Variants in RBBP7 observed in about 807,000 individuals in gnomAD.
The protein encoded by RBBP7 is RB binding protein 7, chromatin remodeling factor, also known as histone-binding protein RBBP7.
In RBBP7, 5 loss-of-function variants were observed where a neutral mutation model predicts 35.2. That is an observed-to-expected ratio of 0.14 (90% CI 0.07 to 0.30). RBBP7 has a LOEUF of 0.30. RBBP7 is among the 10% of genes least tolerant of loss of function. The pLI is 1.00. For missense variants in RBBP7, 155 were observed against 327.5 expected, an observed-to-expected ratio of 0.47 and a Z score of 4.07; for synonymous variants, 140 against 118.7, an observed-to-expected ratio of 1.18 and a Z score of -1.17.
chrX:16,869,207 A>C lies in RBBP7; in HGVS notation c.30T>G (p.Thr10=). The C allele has an allele frequency of 8.3e-7, 1 of 1,205,481 alleles. No homozygotes were observed. The highest frequency in any genetic ancestry group is 1.7e-5 in the African/African-American group (1 of 57,420). The change falls in exon 2 of 12, where the codon ACT becomes ACG. Residue 10 remains threonine (T), a synonymous_variant. Transcript: ENST00000380087. ...CTTCATTGATGACACGCTCCTCCACAGTATCTTCAAACACTGAAATTTGGA... is the reference window on the plus strand; with the variant it reads ...CTTCATTGATGACACGCTCCTCCACCGTATCTTCAAACACTGAAATTTGGA... MASKEMFED[T]VEERVINEEY...
chrX:16,857,972 C>T (rs993306304), intron 4 of RBBP7, among the ~76,000 whole-genome samples: 9 of 111,379 alleles, frequency 8.1e-5, no homozygotes, highest in Non-Finnish European at 1.5e-4. Flanking sequence ...CGCAACCCCC[C>T]AATTTTTTAG....
intron 5 of RBBP7, among the ~76,000 whole-genome samples, chrX:16,855,259 C>A (rs1440049984): frequency 9.0e-6 from 1 of 111,714 alleles, no homozygotes; most frequent in Non-Finnish European, 1.9e-5. Flanking sequence ...ACCACGTTGG[C>A]CAGGCTGGTC....
chrX:16,864,153 G>GACACAC (rs751321152), intron 2 of RBBP7, among the ~76,000 whole-genome samples: 2 of 108,908 alleles, frequency 1.8e-5, no homozygotes, highest in African/African-American at 6.7e-5. Flanking sequence ...ATGGAGAAGA[G>GACACAC]ACACACACAC....
chrX:16,857,844 A>C (rs1402114862), intron 4 of RBBP7, 135 bp from the exon 5 acceptor site: 1 of 896,219 alleles, frequency 1.1e-6, no homozygotes. Context: ...CCCAATGCAA[A>C]TTGAGCCTCA....
chrX:16,862,138 C>T (rs1418791280), intron 3 of RBBP7, among the ~76,000 whole-genome samples: 1 of 111,453 alleles, frequency 9.0e-6, no homozygotes, highest in Non-Finnish European at 1.9e-5. Flanking sequence ...CCGGAAGACA[C>T]ATCCTGTGTG....
intron 5 of RBBP7, among the ~76,000 whole-genome samples, chrX:16,857,358 G>A (rs1375097502): frequency 9.0e-6 from 1 of 111,658 alleles, no homozygotes; most frequent in Admixed American, 9.5e-5. Flanking sequence ...TAAATAATGG[G>A]AGGCCTTTTG....
At chrX:16,847,381 G>C (rs1298715646) in intron 10 of RBBP7, 1 of 104,742 alleles carries the variant, frequency 9.5e-6, no homozygotes, top group African/African-American at 3.5e-5. Context: ...TGAGGCAGGA[G>C]AATCACTTGA....
At chrX:16,845,598 G>C (rs999587943) in intron 11 of RBBP7, among the ~76,000 whole-genome samples, 1 of 112,303 alleles carries the variant, frequency 8.9e-6, no homozygotes, top group Non-Finnish European at 1.9e-5. Flanking sequence ...AATCAGTGCA[G>C]ATGCAGAGAT....
chrX:16,857,666 G>A lies in RBBP7; in HGVS notation c.525C>T (p.His175=). Reference sequence around the variant, plus strand: ...AGGAGAGACCATAGCCTTCCTTCTGGTGACCTCTTAATCTGAGATCAGGAT... The same window carrying A: ...AGGAGAGACCATAGCCTTCCTTCTGATGACCTCTTAATCTGAGATCAGGAT... ...ECNPDLRLRG[H]QKEGYGLSWN... The change falls in exon 5 of 12, where the codon CAC becomes CAT. Residue 175 remains histidine, a synonymous_variant. Transcript: ENST00000380087. 8.3e-7 allele frequency: 1 copy of A among 1,199,378 alleles called. No homozygotes were observed. Among genetic ancestry groups the A allele is most frequent in the African/African-American group, 1.8e-5 (1 of 56,751 alleles).
At position 16,863,027 on chromosome X, in the gene RBBP7, C is replaced by T; in HGVS notation, c.235G>A (p.Val79Met). ...THTSDEQNHL[V>M]VARVHIPNDD... is the part of the protein sequence containing the mutation. ...TTGGGAATATGTACTCGAGCAACCA[C>T]CAGATGATTCTGCTCATCAGACGTA... The change falls in exon 3 of 12, where the codon GTG becomes ATG. Residue 79 changes from valine to methionine, a missense_variant. By Grantham distance (21) the Val-to-Met change is conservative. Transcript: ENST00000380087. 1 of 1,209,995 alleles carries T rather than the reference C, an allele frequency of 8.3e-7. No individual in the cohort carries two copies. Among genetic ancestry groups the T allele is most frequent in the Admixed American group, 2.2e-5 (1 of 46,001 alleles).
intron 1 of RBBP7, chrX:16,869,582 G>A (rs1930719712): frequency 3.4e-6 from 4 of 1,164,571 alleles, no homozygotes; most frequent in Non-Finnish European, 4.6e-6. Flanking sequence ...CACAGGCCTG[G>A]TCTCTCCAAT....
At chrX:16,869,331 A>C in intron 1 of RBBP7, 111 bp from the exon 2 acceptor site, 3 of 1,065,642 alleles carry the variant, frequency 2.8e-6, no homozygotes, top group Non-Finnish European at 3.8e-6. Context: ...TTTTACCTCT[A>C]ATTTGGACAC....
At chrX:16,846,665 G>T (rs1394991549) in intron 10 of RBBP7, 1 of 112,077 alleles carries the variant, frequency 8.9e-6, no homozygotes, top group East Asian at 2.8e-4. Context: ...TTAGAATTAA[G>T]ATTTAAACGA....
intron 11 of RBBP7, 94 bp downstream of exon 11, chrX:16,845,734 T>C (rs1249674789): frequency 1.8e-6 from 2 of 1,099,745 alleles, no homozygotes; most frequent in Non-Finnish European, 2.4e-6. Context: ...TGGCATAATA[T>C]GCACCTACAT....
chrX:16,845,410 CG>C (rs762241562), intron 11 of RBBP7, among the ~76,000 whole-genome samples: 1 of 112,207 alleles, frequency 8.9e-6, no homozygotes, highest in South Asian at 3.7e-4. Context: ...ATGGAAGTCT[CG>C]GTTAACAACA....
At chrX:16,856,689 G>A (rs189410661) in intron 5 of RBBP7, among the ~76,000 whole-genome samples, 256 of 111,705 alleles carry the variant, frequency 2.3e-3, no homozygotes, top group Middle Eastern at 4.6e-3. Flanking sequence ...TAGAGAAACT[G>A]GAACATTTGT....
intron 1 of RBBP7, 49 bp downstream of exon 1, chrX:16,869,989 C>CCGCCGCCCCCCGCGGCCCCGGCGCG (rs748270274): frequency 4.0e-6 from 3 of 756,328 alleles, no homozygotes; most frequent in African/African-American, 4.7e-5. Context: ...CCTCGCGCGC[C>CCGCCGCCCCCCGCGGCCCCGGCGCG]CGCCGCCCCC....
In RBBP7 at chrX:16,844,663, C is replaced by A. The variant is rs1295456002; in HGVS notation, c.*372G>T. The A allele has an allele frequency of 9.7e-6, 1 of 102,923 alleles. No individual in the cohort carries two copies. The highest frequency in any genetic ancestry group is 2.0e-5 in the Non-Finnish European group (1 of 50,751). The allele number at this position is 102,923 out of a possible 1,213,427, so 8.5% of individuals were successfully genotyped here. Reference sequence around the variant, plus strand: ...AAAAAACACAAGTTTTATTTTAAAACTTTATTTCTGCAAAGCCAATCAAGA... The same window carrying A: ...AAAAAACACAAGTTTTATTTTAAAAATTTATTTCTGCAAAGCCAATCAAGA... On this transcript the variant is annotated 3_prime_UTR_variant, in exon 12 of 12. Transcript: ENST00000380087.
At chrX:16,854,012 T>A (rs1930282142) in intron 5 of RBBP7, among the ~76,000 whole-genome samples, 170 bp from the exon 6 acceptor site, 1 of 109,946 alleles carries the variant, frequency 9.1e-6, no homozygotes, top group African/African-American at 3.3e-5. Flanking sequence ...CCTCCTGAGC[T>A]GGGATTACAG....
Sources: gnomAD v4.1 joint callset for allele counts (sites outside exome capture counted in the v4.1 genomes callset) on GRCh38, gnomAD v4.1.1 for gene constraint, MANE v1.5 for transcripts, NCBI Gene and HGNC (gene_info 2026-07-23, HGNC 2026-07-21) for gene names.